Variants in TMTC2 observed in about 807,000 individuals in gnomAD.
TMTC2 encodes protein O-mannosyl-transferase TMTC2.
In TMTC2, 43 loss-of-function variants were observed where a neutral mutation model predicts 82.4. The observed-to-expected ratio is 0.52, with a 90% CI of 0.41 to 0.67. The LOEUF is 0.67. Among genes scored for constraint, TMTC2 ranks in the 30% least tolerant of loss-of-function variants. TMTC2 has a pLI of 0.00. For missense variants in TMTC2, 919 were observed against 1,012.4 expected (o/e 0.91, Z 1.25); for synonymous variants, 408 against 381.9 (o/e 1.07, Z -0.80).
chr12:82,973,951 TC>T (rs751932921), intron 7 of TMTC2, among the ~76,000 whole-genome samples: 8 of 152,216 alleles, frequency 5.3e-5, no homozygotes, highest in Non-Finnish European at 7.4e-5. Flanking sequence ...AAGAAAAAGA[TC>T]AAAGCTTAAA....
chr12:82,894,064 T>C (rs1488671573), intron 2 of TMTC2, among the ~76,000 whole-genome samples: 1 of 152,214 alleles, frequency 6.6e-6, no homozygotes, highest in Non-Finnish European at 1.5e-5. Flanking sequence ...ACTGGTTACG[T>C]ACTGTTACTA....
chr12:82,762,887 TAAAAAA>T (rs1284594461), intron 1 of TMTC2, among the ~76,000 whole-genome samples: 1 of 152,012 alleles, frequency 6.6e-6, no homozygotes, highest in African/African-American at 2.4e-5. Context: ...TCAAATAACT[TAAAAAA>T]GGAAAAATCC....
At chr12:82,727,729 A>G (rs1874534985) in intron 1 of TMTC2, among the ~76,000 whole-genome samples, 2 of 152,158 alleles carry the variant, frequency 1.3e-5, no homozygotes, top group South Asian at 4.2e-4. Flanking sequence ...AAAAAAAAAA[A>G]AAATTCTTTT....
intron 1 of TMTC2, among the ~76,000 whole-genome samples, chr12:82,842,512 G>C (rs971904089): frequency 3.9e-4 from 59 of 152,240 alleles, no homozygotes; most frequent in African/African-American, 1.4e-3. Flanking sequence ...TGGCTTGTAC[G>C]TGAAATGTAG....
chr12:82,792,037 A>G (rs1220482964), intron 1 of TMTC2, among the ~76,000 whole-genome samples: 1 of 152,018 alleles, frequency 6.6e-6, no homozygotes, highest in Non-Finnish European at 1.5e-5. Flanking sequence ...TTTCTTACCC[A>G]CCTGCTTGGG....
chr12:83,126,744 A>C (rs57545090), intron 11 of TMTC2, among the ~76,000 whole-genome samples: 3,166 of 152,214 alleles, frequency 0.021, 137 homozygotes, highest in African/African-American at 0.073. Flanking sequence ...AAGCATGCCC[A>C]TGAAACAAAG....
chr12:83,114,364 C>T (rs1399290817), intron 11 of TMTC2, among the ~76,000 whole-genome samples: 1 of 152,162 alleles, frequency 6.6e-6, no homozygotes, highest in African/African-American at 2.4e-5. Context: ...TCACCAAGAA[C>T]CAGGCTATGC....
chr12:82,881,966 A>G (rs1449905042), intron 2 of TMTC2, among the ~76,000 whole-genome samples: 1 of 145,612 alleles, frequency 6.9e-6, no homozygotes, highest in Non-Finnish European at 1.5e-5. Context: ...CACGTTACCC[A>G]TCCCCAGACT....
At position 82,790,556 on chromosome 12, in the gene TMTC2, C is replaced by T. The variant is rs932548922; in HGVS notation, c.84-66454C>T. Among the ~76,000 whole-genome samples, 26 of 152,040 alleles carry T rather than the reference C, an allele frequency of 1.7e-4. No homozygotes were observed. In the South Asian group the frequency reaches 4.2e-3, roughly 24 times the overall value. ...AAAAATTTCTTCTTGTGGCCGGGCG[C>T]GGTGGCTTATGCCTGTAATCCCAGC... On this transcript the variant is annotated intron_variant, in intron 1 of 11. Transcript: ENST00000321196.
Position 82,857,571 on chromosome 12 carries a change from C to A in TMTC2, c.645C>A (p.Thr215=). The change falls in exon 2 of 12, where the codon ACC becomes ACA. Residue 215 remains threonine, a synonymous_variant. Transcript: ENST00000321196. ...HRLKIKQILP[T]IYKRKNLSLF... is the part of the protein sequence containing the mutation. ...TGAAAATAAAACAGATATTACCTAC[C>A]ATTTACAAAGTAAGTGATTGTTGGC... The A allele has an allele frequency of 6.2e-7, 1 of 1,603,176 alleles. No homozygotes were observed. The highest frequency in any genetic ancestry group is 8.5e-7 in the Non-Finnish European group (1 of 1,174,176).
At chr12:82,875,324 G>A (rs1344379023) in intron 2 of TMTC2, among the ~76,000 whole-genome samples, 1 of 151,312 alleles carries the variant, frequency 6.6e-6, no homozygotes, top group Non-Finnish European at 1.5e-5. Context: ...CTTCTGTCAT[G>A]AGGATATTAA....
Position 82,939,971 on chromosome 12 carries a change from G to T in TMTC2, c.1598+9426G>T, listed in dbSNP as rs572749227. Among the ~76,000 whole-genome samples the T allele has an allele frequency of 2.0e-4, 30 of 146,956 alleles. No homozygotes were observed. In the South Asian group the frequency reaches 6.3e-3, roughly 31 times the overall value. On this transcript the variant is annotated intron_variant, in intron 4 of 11. Transcript: ENST00000321196. Reference sequence around the variant, plus strand: ...GGAGAGCTGACATTGTTATACTCTTGAATTTTCTCTTCCAGATACATGTAT... The same window carrying T: ...GGAGAGCTGACATTGTTATACTCTTTAATTTTCTCTTCCAGATACATGTAT...
At chr12:83,038,056 A>G (rs1339459511) in intron 9 of TMTC2, among the ~76,000 whole-genome samples, 2 of 146,936 alleles carry the variant, frequency 1.4e-5, no homozygotes, top group African/African-American at 5.0e-5. Flanking sequence ...CAAACACCAC[A>G]TGTTCTCACT....
chr12:82,900,857 C>T (rs1429480009), intron 3 of TMTC2, among the ~76,000 whole-genome samples: 8 of 105,728 alleles, frequency 7.6e-5, no homozygotes, highest in Admixed American at 2.2e-4. Context: ...AATATATATA[C>T]CTGGAATATA....
chr12:83,001,635 C>CAAAAAAAAAAAAA (rs34467744), intron 8 of TMTC2, among the ~76,000 whole-genome samples: 2 of 93,166 alleles, frequency 2.1e-5, no homozygotes, highest in African/African-American at 3.7e-5. Context: ...AACTCTGTCT[C>CAAAAAAAAAAAAA]AAAAAAAAAA....
At chr12:82,872,511 A>C (rs1872253248) in intron 2 of TMTC2, among the ~76,000 whole-genome samples, 1 of 152,084 alleles carries the variant, frequency 6.6e-6, no homozygotes, top group Non-Finnish European at 1.5e-5. Context: ...CATATTATTT[A>C]TGTGTTCTTG....
At chr12:82,980,202 A>C (rs1266314421) in intron 7 of TMTC2, among the ~76,000 whole-genome samples, 1 of 151,854 alleles carries the variant, frequency 6.6e-6, no homozygotes, top group African/African-American at 2.4e-5. Flanking sequence ...AATTTATTTT[A>C]AAATTATGTT....
chr12:82,731,554 G>A (rs968289612), intron 1 of TMTC2, among the ~76,000 whole-genome samples: 2 of 152,140 alleles, frequency 1.3e-5, no homozygotes, highest in Non-Finnish European at 2.9e-5. Context: ...CAAAACTGTA[G>A]GCATCAGAAA....
At chr12:82,758,118 C>T (rs1308727038) in intron 1 of TMTC2, among the ~76,000 whole-genome samples, 2 of 151,978 alleles carry the variant, frequency 1.3e-5, no homozygotes, top group African/African-American at 4.8e-5. Flanking sequence ...TATGAATAAC[C>T]TGAATATCTG....
Sources: allele counts gnomAD v4.1 joint callset (sites outside exome capture counted in the v4.1 genomes callset), GRCh38; gene constraint gnomAD v4.1.1; transcripts MANE v1.5; gene names NCBI Gene and HGNC (gene_info 2026-07-23, HGNC 2026-07-21).